The following RGS21 variants were observed in gnomAD, a reference collection of about 807,000 sequenced individuals.
RGS21 encodes the protein regulator of G protein signaling 21.
RGS21 carries 19 observed loss-of-function variants against 18.7 expected under a neutral mutation model. That is an observed-to-expected ratio of 1.01 (90% CI 0.71 to 1.49). The LOEUF is 1.49. Ranked by LOEUF, RGS21 falls within the 40% of genes most tolerant of loss-of-function variation. The probability of loss-of-function intolerance (pLI) is 0.00; values close to 1 mark genes in which losing one functional copy is unlikely to be tolerated. For synonymous variants in RGS21, 56 were observed against 57.8 expected (o/e 0.97, Z 0.14); for missense variants, 194 against 176.8 (o/e 1.10, Z -0.55).
intron 4 of RGS21, among the ~76,000 whole-genome samples, chr1:192,358,499 T>C (rs886606272): frequency 6.6e-6 from 1 of 152,004 alleles, no homozygotes; most frequent in Admixed American, 6.6e-5. Context: ...AAAAATATGA[T>C]TATAGATGGC....
At chr1:192,331,290 A>G (rs1438173232) in intron 1 of RGS21, among the ~76,000 whole-genome samples, 1 of 152,170 alleles carries the variant, frequency 6.6e-6, no homozygotes, top group Non-Finnish European at 1.5e-5. Flanking sequence ...GTGGTGGCTC[A>G]CGCCTATAAT....
intron 1 of RGS21, among the ~76,000 whole-genome samples, chr1:192,325,605 T>C (rs894503480): frequency 2.6e-5 from 4 of 152,154 alleles, no homozygotes; most frequent in Admixed American, 2.6e-4. Flanking sequence ...TCTGCCACTT[T>C]GCCAACATCT....
At chr1:192,356,744 A>G (rs941667245) in intron 4 of RGS21, among the ~76,000 whole-genome samples, 1 of 151,724 alleles carries the variant, frequency 6.6e-6, no homozygotes, top group Non-Finnish European at 1.5e-5. Context: ...TGCATTTTAT[A>G]TTCGTATTTT....
intron 3 of RGS21, among the ~76,000 whole-genome samples, chr1:192,349,343 C>T (rs1659000836): frequency 6.6e-6 from 1 of 152,092 alleles, no homozygotes; most frequent in Non-Finnish European, 1.5e-5. Context: ...TTCATAATAC[C>T]AGAGAAATGG....
intron 4 of RGS21, among the ~76,000 whole-genome samples, chr1:192,356,043 GC>G (rs1430132463): frequency 2.0e-5 from 3 of 151,708 alleles, no homozygotes; most frequent in Admixed American, 6.6e-5. Flanking sequence ...TCAAAAAACA[GC>G]AGAAAATGTT....
chr1:192,353,622 C>T (rs1244751965), intron 4 of RGS21, among the ~76,000 whole-genome samples: 2 of 151,686 alleles, frequency 1.3e-5, no homozygotes, highest in African/African-American at 4.8e-5. Flanking sequence ...AATCTTCTAA[C>T]ACAAAATGTC....
At chr1:192,358,045 G>C (rs1007557143) in intron 4 of RGS21, among the ~76,000 whole-genome samples, 1 of 152,002 alleles carries the variant, frequency 6.6e-6, no homozygotes, top group Non-Finnish European at 1.5e-5. Flanking sequence ...AGGTCAATCT[G>C]ATTCCATTTC....
At chr1:192,325,552 G>T (rs1658557632) in intron 1 of RGS21, among the ~76,000 whole-genome samples, 1 of 152,040 alleles carries the variant, frequency 6.6e-6, no homozygotes, top group Non-Finnish European at 1.5e-5. Context: ...CACAGAGGCT[G>T]AACTAATTTA....
intron 1 of RGS21, among the ~76,000 whole-genome samples, chr1:192,338,660 A>G: frequency 6.6e-6 from 1 of 152,028 alleles, no homozygotes. Context: ...AAAGTCTGTG[A>G]ACAGTGTTTT....
intron 1 of RGS21, among the ~76,000 whole-genome samples, chr1:192,319,743 T>C (rs74667053): frequency 6.6e-6 from 1 of 152,118 alleles, no homozygotes; most frequent in Non-Finnish European, 1.5e-5. Context: ...AATTGATTTT[T>C]TGACATAGAA....
intron 4 of RGS21, among the ~76,000 whole-genome samples, chr1:192,365,334 C>G (rs1042999570): frequency 2.0e-5 from 3 of 151,952 alleles, no homozygotes; most frequent in Non-Finnish European, 4.4e-5. Flanking sequence ...CATTAGAACT[C>G]GCTGGAAATG....
At chr1:192,353,901 T>C (rs1659078357) in intron 4 of RGS21, among the ~76,000 whole-genome samples, 1 of 151,648 alleles carries the variant, frequency 6.6e-6, no homozygotes, top group Admixed American at 6.6e-5. Context: ...GAAGTGTCTC[T>C]AAAAATGCTA....
intron 1 of RGS21, among the ~76,000 whole-genome samples, chr1:192,336,055 C>G (rs1383263587): frequency 6.6e-6 from 1 of 152,178 alleles, no homozygotes; most frequent in Non-Finnish European, 1.5e-5. Context: ...CCGTGTAAAG[C>G]ATATTATCTA....
intron 1 of RGS21, among the ~76,000 whole-genome samples, chr1:192,322,141 AATGTAC>A (rs1218283907): frequency 6.6e-6 from 1 of 152,108 alleles, no homozygotes; most frequent in African/African-American, 2.4e-5. Context: ...TCCCCTCAGG[AATGTAC>A]ATGACTTCAC....
At chr1:192,344,711 C>T (rs1448900739) in intron 2 of RGS21, among the ~76,000 whole-genome samples, 1 of 152,038 alleles carries the variant, frequency 6.6e-6, no homozygotes, top group Non-Finnish European at 1.5e-5. Context: ...AAAGTAAATG[C>T]TATGTTACCT....
chr1:192,343,120 C>T (rs1460821763), intron 2 of RGS21, 73 bp downstream of exon 2: 8 of 1,363,416 alleles, frequency 5.9e-6, no homozygotes, highest in South Asian at 1.2e-5. Flanking sequence ...CTTTTAGTCT[C>T]GATGTTTTAT....
intron 1 of RGS21, among the ~76,000 whole-genome samples, chr1:192,319,721 C>G (rs1266900713): frequency 2.0e-5 from 3 of 151,986 alleles, no homozygotes; most frequent in Non-Finnish European, 4.4e-5. Context: ...CATAAGGCAC[C>G]TAAGTGGATA....
At chr1:192,320,471 C>A (rs1202189465) in intron 1 of RGS21, among the ~76,000 whole-genome samples, 1 of 146,884 alleles carries the variant, frequency 6.8e-6, no homozygotes, top group Non-Finnish European at 1.5e-5. Context: ...TGCTAATCCT[C>A]TAGCACAGAC....
In RGS21 at chr1:192,352,371, CTT is replaced by C. The variant is rs76831740; in HGVS notation, c.255+165_255+166del. ...AAGAGAAATTCCTTAAGATGACTCT[CTT>C]TTTTTTCATTGATTCAGTAAGTATT... On this transcript the variant is annotated intron_variant, in intron 4 of 4. Transcript: ENST00000417209. Among the ~76,000 whole-genome samples the C allele has an allele frequency of 5.3e-5, 8 of 151,784 alleles. No individual in the cohort carries two copies. The East Asian group carries it at 1.5e-3, about 29-fold the overall frequency.
Sources: gnomAD v4.1 joint callset for allele counts (sites outside exome capture counted in the v4.1 genomes callset) on GRCh38, gnomAD v4.1.1 for gene constraint, MANE v1.5 for transcripts, NCBI Gene and HGNC (gene_info 2026-07-23, HGNC 2026-07-21) for gene names.